Variants in AMD1 observed in about 807,000 individuals in gnomAD.
The protein encoded by AMD1 is adenosylmethionine decarboxylase 1, also known as S-adenosylmethionine decarboxylase proenzyme.
AMD1 carries 11 observed loss-of-function variants against 40.2 expected under a neutral mutation model. That is an observed-to-expected ratio of 0.27 (90% CI 0.17 to 0.45). The LOEUF is 0.45. Among genes scored for constraint, AMD1 ranks in the 20% least tolerant of loss-of-function variants. The pLI is 1.00. For missense variants in AMD1, 257 were observed against 410.2 expected (o/e 0.63, Z 3.23); for synonymous variants, 121 against 130.8 (o/e 0.93, Z 0.51).
Position 110,878,488 on chromosome 6 carries a change from G to A in AMD1, c.110+3273G>A, listed in dbSNP as rs1007199073. Among the ~76,000 whole-genome samples, 7 of 152,168 alleles carry A rather than the reference G, an allele frequency of 4.6e-5. No individual in the cohort carries two copies. In the South Asian group the frequency reaches 1.4e-3, roughly 32 times the overall value. ...AAAAATCTTTTATGATATAGCTTGG[G>A]TTAAACAATACTGTTGGAGAAAAGC... On this transcript the variant is annotated intron_variant, in intron 1 of 8. Transcript: ENST00000368885.
At chr6:110,834,309 A>G in the AMD1 span, among the ~76,000 whole-genome samples, 1 of 152,148 alleles carries the variant, frequency 6.6e-6, no homozygotes, top group South Asian at 2.1e-4. Context: ...ACTGCACTCC[A>G]GCCTGAGTGA....
the AMD1 span, among the ~76,000 whole-genome samples, chr6:110,821,901 C>T: frequency 6.6e-6 from 1 of 152,036 alleles, no homozygotes; most frequent in Non-Finnish European, 1.5e-5. Context: ...AACATCATAC[C>T]TCCAGGAAAT....
the AMD1 span, among the ~76,000 whole-genome samples, chr6:110,821,314 A>T: frequency 2.6e-5 from 4 of 152,156 alleles, no homozygotes; most frequent in Admixed American, 6.6e-5. Flanking sequence ...ACACACTGAG[A>T]CAAGCCGGGC....
chr6:110,885,084 A>G (rs541115851), intron 1 of AMD1, among the ~76,000 whole-genome samples: 9 of 152,334 alleles, frequency 5.9e-5, no homozygotes, highest in African/African-American at 1.9e-4. Flanking sequence ...AATTTATCTT[A>G]GTCAAGTGAA....
At chr6:110,864,639 A>G in the AMD1 span, among the ~76,000 whole-genome samples, 1 of 152,218 alleles carries the variant, frequency 6.6e-6, no homozygotes, top group African/African-American at 2.4e-5. Flanking sequence ...AACCCCAATC[A>G]TGGGGTCGGA....
At chr6:110,879,875 C>G (rs1785310392) in intron 1 of AMD1, among the ~76,000 whole-genome samples, 1 of 152,130 alleles carries the variant, frequency 6.6e-6, no homozygotes, top group Non-Finnish European at 1.5e-5. Flanking sequence ...TCTGACCTAA[C>G]TGGGTATGGG....
the AMD1 span, among the ~76,000 whole-genome samples, chr6:110,860,073 C>T: frequency 6.6e-6 from 1 of 152,130 alleles, no homozygotes; most frequent in Non-Finnish European, 1.5e-5. Flanking sequence ...GTGATCCGCC[C>T]ACCTTGGCCT....
chr6:110,870,203 T>C (rs183340102), upstream of AMD1, among the ~76,000 whole-genome samples: 55 of 152,348 alleles, frequency 3.6e-4, no homozygotes, highest in Non-Finnish European at 6.8e-4. Flanking sequence ...CTGATGTAAA[T>C]GCTCACAACA....
the AMD1 span, among the ~76,000 whole-genome samples, chr6:110,846,020 T>C: frequency 1.3e-5 from 2 of 152,234 alleles, no homozygotes; most frequent in South Asian, 4.1e-4. Flanking sequence ...GGAGGGTGGA[T>C]CACAAGGTCA....
At chr6:110,881,483 A>G (rs1490177801) in intron 1 of AMD1, among the ~76,000 whole-genome samples, 1 of 152,160 alleles carries the variant, frequency 6.6e-6, no homozygotes, top group East Asian at 1.9e-4. Flanking sequence ...CTCAATCTAC[A>G]TATTTCTTTG....
chr6:110,815,196 C>T, the AMD1 span: 3 of 1,481,528 alleles, frequency 2.0e-6, no homozygotes, highest in African/African-American at 1.4e-5. Context: ...GTCCCTCCTC[C>T]TCCTCCCCCC....
At chr6:110,887,763 G>A (rs1447990284) in intron 2 of AMD1, among the ~76,000 whole-genome samples, 172 bp downstream of exon 2, 2 of 152,124 alleles carry the variant, frequency 1.3e-5, no homozygotes, top group African/African-American at 4.8e-5. Flanking sequence ...TCAGCTCACT[G>A]CAACCTCCGC....
At chr6:110,855,635 G>A in the AMD1 span, among the ~76,000 whole-genome samples, 10 of 152,052 alleles carry the variant, frequency 6.6e-5, no homozygotes, top group South Asian at 2.1e-4. Context: ...CCCTGCTCCC[G>A]ACCAGTTTAT....
At chr6:110,827,836 C>G in the AMD1 span, among the ~76,000 whole-genome samples, 14 of 150,850 alleles carry the variant, frequency 9.3e-5, no homozygotes, top group African/African-American at 3.4e-4. Flanking sequence ...TGGTATTACT[C>G]TACTCTGATG....
rs1401514675 is a variant in AMD1, at chr6:110,895,227, G to T, written c.*1611G>T. The T allele has an allele frequency of 6.6e-6, 1 of 152,092 alleles. No individual in the cohort carries two copies. The highest frequency in any genetic ancestry group is 1.5e-5 in the Non-Finnish European group (1 of 68,004). The allele number at this position is 152,092 out of a possible 1,614,324, so 9.4% of individuals were successfully genotyped here. On this transcript the variant is annotated 3_prime_UTR_variant, in exon 9 of 9. Coordinates refer to ENST00000368885, the MANE Select transcript of AMD1 (RefSeq NM_001634.6). ...TCTAAACCTAAAATCTACTTGGTTT[G>T]AAATCAAGTGGTTGGAACACTGTTT...
At chr6:110,815,200 T>TC in the AMD1 span, 1 of 1,324,982 alleles carries the variant, frequency 7.5e-7, no homozygotes, top group Admixed American at 2.6e-5. Context: ...CTCCTCCTCC[T>TC]CCCCCCGCGA....
the AMD1 span, among the ~76,000 whole-genome samples, chr6:110,836,767 T>G: frequency 6.6e-6 from 1 of 152,122 alleles, no homozygotes; most frequent in African/African-American, 2.4e-5. Flanking sequence ...GTACTTGTAT[T>G]TATTTATTTT....
At chr6:110,816,182 C>T in the AMD1 span, among the ~76,000 whole-genome samples, 1 of 152,218 alleles carries the variant, frequency 6.6e-6, no homozygotes, top group Non-Finnish European at 1.5e-5. Context: ...GCGCTGTAGT[C>T]AGCTTTCTCT....
chr6:110,875,772 C>T (rs1387127467), intron 1 of AMD1: 1 of 152,348 alleles, frequency 6.6e-6, no homozygotes, highest in East Asian at 2.0e-4. Context: ...GCCTCCCACC[C>T]GCGGCGGCCG....
Sources: gnomAD v4.1 joint callset for allele counts (sites outside exome capture counted in the v4.1 genomes callset) on GRCh38, gnomAD v4.1.1 for gene constraint, MANE v1.5 for transcripts, NCBI Gene and HGNC (gene_info 2026-07-23, HGNC 2026-07-21) for gene names.